NOL10: variants seen among roughly 807,000 people sequenced by gnomAD.
NOL10 encodes the protein H_NH0074G24.1.
A neutral mutation model predicts 103.5 loss-of-function variants in NOL10; 58 were observed. The observed-to-expected ratio is 0.56, with a 90% CI of 0.45 to 0.70. The LOEUF is 0.70. Among genes scored for constraint, NOL10 ranks in the 30% least tolerant of loss-of-function variants. The pLI is 0.00. For missense variants in NOL10, 763 were observed against 807.3 expected (o/e 0.95, Z 0.67); for synonymous variants, 287 against 282.5 (o/e 1.02, Z -0.16).
intron 17 of NOL10, among the ~76,000 whole-genome samples, chr2:10,597,909 C>T (rs1675781143): frequency 6.6e-6 from 1 of 152,120 alleles, no homozygotes; most frequent in South Asian, 2.1e-4. Flanking sequence ...CAGGGTGACC[C>T]ACCAATAGGT....
chr2:10,589,891 C>T (rs775439661), intron 17 of NOL10, 140 bp from the exon 18 acceptor site: 1 of 499,646 alleles, frequency 2.0e-6, no homozygotes. Flanking sequence ...TATGAAATTT[C>T]TTCCAGGACT....
chr2:10,601,847 A>C (rs1232433967), intron 16 of NOL10, among the ~76,000 whole-genome samples: 1 of 152,212 alleles, frequency 6.6e-6, no homozygotes, highest in Non-Finnish European at 1.5e-5. Context: ...GTCTGGAAAA[A>C]CAAAAAAGTA....
intron 17 of NOL10, among the ~76,000 whole-genome samples, chr2:10,594,145 G>GCACA (rs1675541892): frequency 1.5e-5 from 1 of 66,300 alleles, no homozygotes; most frequent in South Asian, 4.4e-4. Flanking sequence ...TGGGCTTGCA[G>GCACA]CACAGTACAG....
At chr2:10,663,669 G>A (rs1245667644) in intron 8 of NOL10, among the ~76,000 whole-genome samples, 7 of 151,726 alleles carry the variant, frequency 4.6e-5, no homozygotes, top group Non-Finnish European at 7.4e-5. Flanking sequence ...GAAGAATCCC[G>A]GCCAGGCGCG....
intron 19 of NOL10, among the ~76,000 whole-genome samples, chr2:10,585,857 C>T (rs926458124): frequency 1.3e-5 from 2 of 152,200 alleles, no homozygotes; most frequent in African/African-American, 2.4e-5. Context: ...AGTCTGTACA[C>T]GTTCAGTACA....
At chr2:10,627,155 G>A (rs901231392) in intron 13 of NOL10, among the ~76,000 whole-genome samples, 2 of 152,156 alleles carry the variant, frequency 1.3e-5, no homozygotes, top group African/African-American at 4.8e-5. Context: ...AAAAGAATCT[G>A]TATTAACCAC....
chr2:10,572,233 T>G (rs1674216030), intron 20 of NOL10, 43 bp from the exon 21 acceptor site: 1 of 1,606,858 alleles, frequency 6.2e-7, no homozygotes, highest in Admixed American at 1.7e-5. Flanking sequence ...GAGAGAAAAT[T>G]CTATACCTCT....
intron 13 of NOL10, among the ~76,000 whole-genome samples, chr2:10,608,315 T>C (rs1676367819): frequency 6.6e-6 from 1 of 152,208 alleles, no homozygotes; most frequent in Admixed American, 6.5e-5. Flanking sequence ...TAATAAAATA[T>C]GAATCATTAA....
At chr2:10,613,001 TA>T (rs71392245) in intron 13 of NOL10, among the ~76,000 whole-genome samples, 60 of 137,912 alleles carry the variant, frequency 4.4e-4, no homozygotes, top group Non-Finnish European at 6.0e-4. Flanking sequence ...AAGACCCTGT[TA>T]AAAAAAAAAA....
chr2:10,645,345 CATA>C (rs970529695), intron 12 of NOL10, among the ~76,000 whole-genome samples: 1 of 152,052 alleles, frequency 6.6e-6, no homozygotes, highest in Non-Finnish European at 1.5e-5. Flanking sequence ...TATCAGATCA[CATA>C]ATGATAAATG....
chr2:10,594,279 G>C (rs777788521), intron 17 of NOL10, among the ~76,000 whole-genome samples: 1 of 152,164 alleles, frequency 6.6e-6, no homozygotes, highest in African/African-American at 2.4e-5. Flanking sequence ...GGTTGTTGTT[G>C]AGAACTTGCA....
intron 20 of NOL10, among the ~76,000 whole-genome samples, chr2:10,573,469 G>C (rs955591202): frequency 6.6e-6 from 1 of 152,106 alleles, no homozygotes; most frequent in Admixed American, 6.5e-5. Context: ...TGGGATTACA[G>C]GCGTGCGCCA....
In NOL10 at chr2:10,673,543, T is replaced by C; in HGVS notation, c.304A>G (p.Ile102Val). The C allele has an allele frequency of 6.3e-7, 1 of 1,596,940 alleles. No homozygotes were observed. Among genetic ancestry groups the C allele is most frequent in the South Asian group, 1.1e-5 (1 of 88,104 alleles). ...CLDSEVVTFE[I>V]LSDDYSKIVF... Reference sequence around the variant, plus strand: ...ACCTTTGAGTAGTCATCAGACAAAATTTCAAAGGTGACAACTGAAAAACAA... The same window carrying C: ...ACCTTTGAGTAGTCATCAGACAAAACTTCAAAGGTGACAACTGAAAAACAA... The change falls in exon 5 of 21, where the codon ATT (isoleucine) becomes GTT (valine). Residue 102 changes from isoleucine (I) to valine (V), a missense_variant. By Grantham distance (29) the Ile-to-Val change is conservative. Coordinates refer to ENST00000381685, the MANE Select transcript of NOL10 (RefSeq NM_024894.4).
At chr2:10,601,746 G>A (rs755804037) in intron 16 of NOL10, among the ~76,000 whole-genome samples, 2 of 152,278 alleles carry the variant, frequency 1.3e-5, no homozygotes, top group Non-Finnish European at 2.9e-5. Flanking sequence ...CTCAGGTCGA[G>A]GCTGCAGTGA....
At chr2:10,573,737 C>T (rs1674307328) in intron 20 of NOL10, among the ~76,000 whole-genome samples, 1 of 151,236 alleles carries the variant, frequency 6.6e-6, no homozygotes, top group Non-Finnish European at 1.5e-5. Flanking sequence ...TAAGTCCCTT[C>T]TCTGACTATT....
chr2:10,665,693 T>A (rs1362604923), intron 8 of NOL10, among the ~76,000 whole-genome samples: 2 of 152,186 alleles, frequency 1.3e-5, no homozygotes, highest in Non-Finnish European at 2.9e-5. Context: ...GACTGCCCTG[T>A]AAGGACCCTA....
intron 1 of NOL10, among the ~76,000 whole-genome samples, chr2:10,686,542 C>CA (rs1682223417): frequency 6.6e-6 from 1 of 152,070 alleles, no homozygotes; most frequent in Admixed American, 6.6e-5. Context: ...ATCACCCTGG[C>CA]AGCTTACTGA....
chr2:10,571,810 A>G lies in NOL10; in HGVS notation c.*261T>C. ...AAAAAACCCCAGCCTGGTTTTCATG[A>G]TTAACGCCGTGGGGAAAGGACAATG... is the stretch of plus-strand genomic sequence containing the variant. On this transcript the variant is annotated 3_prime_UTR_variant, in exon 21 of 21. Transcript: ENST00000381685. 1 of 338,252 alleles carries G rather than the reference A, an allele frequency of 3.0e-6. No individual in the cohort carries two copies. 21.0% of individuals were successfully genotyped at this position (338,252 alleles called of 1,614,324 possible).
chr2:10,606,607 C>CAAAAAAAAAAAAAA (rs35623656), intron 14 of NOL10, among the ~76,000 whole-genome samples: 1 of 111,806 alleles, frequency 8.9e-6, no homozygotes. Flanking sequence ...GACTCTGTCT[C>CAAAAAAAAAAAAAA]AAAAAAAAAA....
Sources: gnomAD v4.1 joint callset for allele counts (sites outside exome capture counted in the v4.1 genomes callset) on GRCh38, gnomAD v4.1.1 for gene constraint, MANE v1.5 for transcripts, NCBI Gene and HGNC (gene_info 2026-07-23, HGNC 2026-07-21) for gene names.